NKAIN2: variants seen among roughly 807,000 people sequenced by gnomAD.
NKAIN2 encodes the protein sodium/potassium transporting ATPase interacting 2.
A neutral mutation model predicts 32.6 loss-of-function variants in NKAIN2; 14 were observed. The ratio of observed to expected loss-of-function variants is 0.43; its 90% CI spans 0.28 to 0.67. The LOEUF (loss-of-function observed/expected upper bound fraction) is 0.67. NKAIN2 is among the 30% of genes least tolerant of loss of function. The pLI, the probability that NKAIN2 is intolerant of heterozygous loss-of-function variation, is 0.17. For synonymous variants in NKAIN2, 80 were observed against 87.2 expected (o/e 0.92, Z 0.46); for missense variants, 198 against 258.3 (o/e 0.77, Z 1.60).
At position 124,404,697 on chromosome 6, in the gene NKAIN2, G is replaced by C. The variant is rs116092880; in HGVS notation, c.273+49350G>C. ...AACACTTATTTTTTGAATATTTTAT[G>C]TATACTTTAAAGTTACAAACTATGC... On this transcript the variant is annotated intron_variant, in intron 3 of 6. Transcript: ENST00000368417. 7.5e-3 allele frequency among the ~76,000 whole-genome samples: 1,140 copies of C among 151,958 alleles called. 12 individuals are homozygous for C. The highest frequency in any genetic ancestry group is 0.027 in the African/African-American group (1,103 of 41,458).
chr6:124,107,395 C>G (rs1015820960), intron 1 of NKAIN2, among the ~76,000 whole-genome samples: 2 of 152,022 alleles, frequency 1.3e-5, no homozygotes, highest in Admixed American at 1.3e-4. Flanking sequence ...GTAAGGAGAG[C>G]TACTACAGTA....
chr6:124,051,482 T>C (rs935423639), intron 1 of NKAIN2, among the ~76,000 whole-genome samples: 1 of 151,978 alleles, frequency 6.6e-6, no homozygotes, highest in African/African-American at 2.4e-5. Flanking sequence ...CGTGCAGGTT[T>C]GTTACATATG....
At chr6:123,817,816 G>A (rs1291906291) in intron 1 of NKAIN2, among the ~76,000 whole-genome samples, 1 of 152,192 alleles carries the variant, frequency 6.6e-6, no homozygotes, top group Non-Finnish European at 1.5e-5. Flanking sequence ...AGATTGGAAG[G>A]TAGGTTGAGA....
intron 2 of NKAIN2, among the ~76,000 whole-genome samples, chr6:124,298,802 T>G: frequency 6.6e-6 from 1 of 152,118 alleles, no homozygotes. Context: ...ATTAAACCAC[T>G]TTAGAACAGC....
intron 1 of NKAIN2, among the ~76,000 whole-genome samples, chr6:123,979,995 T>C (rs1435038587): frequency 6.6e-6 from 1 of 152,222 alleles, no homozygotes; most frequent in Admixed American, 6.5e-5. Context: ...TAGATGATTA[T>C]GATATTAGAC....
chr6:124,506,714 GAAAAA>G (rs577351731), intron 3 of NKAIN2, among the ~76,000 whole-genome samples: 1 of 146,774 alleles, frequency 6.8e-6, no homozygotes, highest in Non-Finnish European at 1.5e-5. Flanking sequence ...CACTTAGGAA[GAAAAA>G]AAAAAGAGGG....
intron 2 of NKAIN2, among the ~76,000 whole-genome samples, chr6:124,308,150 C>A (rs1268096489): frequency 6.6e-6 from 1 of 151,726 alleles, no homozygotes; most frequent in African/African-American, 2.4e-5. Context: ...TTGCCCCCCA[C>A]CCCGCAGCAG....
At chr6:123,958,431 G>C (rs1463971699) in intron 1 of NKAIN2, among the ~76,000 whole-genome samples, 1 of 152,222 alleles carries the variant, frequency 6.6e-6, no homozygotes, top group African/African-American at 2.4e-5. Flanking sequence ...CTGGCCACCA[G>C]TGCCTTCATG....
intron 1 of NKAIN2, among the ~76,000 whole-genome samples, chr6:123,984,587 A>G (rs1171072585): frequency 6.6e-6 from 1 of 152,190 alleles, no homozygotes; most frequent in African/African-American, 2.4e-5. Context: ...ACTGCCTCCT[A>G]CATATGAAAA....
intron 1 of NKAIN2, among the ~76,000 whole-genome samples, chr6:123,984,856 TAATA>T (rs1046884716): frequency 1.4e-4 from 22 of 152,124 alleles, no homozygotes; most frequent in South Asian, 4.1e-4. Context: ...TGACTTTTTA[TAATA>T]AATAAAAGAA....
intron 3 of NKAIN2, among the ~76,000 whole-genome samples, chr6:124,634,382 A>AAC (rs762414143): frequency 1.3e-5 from 2 of 152,190 alleles, no homozygotes; most frequent in Non-Finnish European, 2.9e-5. Context: ...TCTGACTGAG[A>AAC]AATTCAACAG....
At chr6:124,680,786 G>T (rs900755919) in intron 4 of NKAIN2, among the ~76,000 whole-genome samples, 2 of 151,862 alleles carry the variant, frequency 1.3e-5, no homozygotes, top group African/African-American at 4.8e-5. Flanking sequence ...CGCTGAGACA[G>T]AATTGTAAGC....
intron 1 of NKAIN2, among the ~76,000 whole-genome samples, chr6:123,923,944 T>TA (rs1243652449): frequency 7.0e-6 from 1 of 143,134 alleles, no homozygotes; most frequent in Non-Finnish European, 1.6e-5. Context: ...AGTATAATAA[T>TA]AATAAAAATA....
intron 1 of NKAIN2, among the ~76,000 whole-genome samples, chr6:124,199,299 A>G (rs1790490144): frequency 6.6e-6 from 1 of 152,160 alleles, no homozygotes; most frequent in African/African-American, 2.4e-5. Flanking sequence ...AAATGAATTG[A>G]TACGGTGTAA....
intron 2 of NKAIN2, among the ~76,000 whole-genome samples, chr6:124,344,025 C>G (rs992305405): frequency 2.5e-4 from 38 of 151,926 alleles, no homozygotes; most frequent in Non-Finnish European, 1.0e-4. Flanking sequence ...ATAAGGAAGG[C>G]ATCCAGTTTC....
chr6:124,099,381 G>C (rs1410792855), intron 1 of NKAIN2, among the ~76,000 whole-genome samples: 1 of 152,168 alleles, frequency 6.6e-6, no homozygotes, highest in Non-Finnish European at 1.5e-5. Flanking sequence ...AATTTAGGTT[G>C]CCTGACCTGA....
At chr6:123,923,926 A>T (rs1196740642) in intron 1 of NKAIN2, among the ~76,000 whole-genome samples, 1 of 151,720 alleles carries the variant, frequency 6.6e-6, no homozygotes, top group East Asian at 1.9e-4. Flanking sequence ...ATGTACCCTA[A>T]AACTTAAAGT....
At chr6:123,990,808 C>T (rs1361724681) in intron 1 of NKAIN2, among the ~76,000 whole-genome samples, 1 of 152,142 alleles carries the variant, frequency 6.6e-6, no homozygotes, top group Non-Finnish European at 1.5e-5. Flanking sequence ...AGTTCCTGTA[C>T]TGCTCTCTCT....
At chr6:124,183,640 T>C (rs1195521667) in intron 1 of NKAIN2, among the ~76,000 whole-genome samples, 2 of 152,172 alleles carry the variant, frequency 1.3e-5, no homozygotes, top group African/African-American at 4.8e-5. Context: ...CAACTATTAC[T>C]GATGTAACAT....
Sources: allele counts gnomAD v4.1 joint callset (sites outside exome capture counted in the v4.1 genomes callset), GRCh38; gene constraint gnomAD v4.1.1; transcripts MANE v1.5; gene names NCBI Gene and HGNC (gene_info 2026-07-23, HGNC 2026-07-21).